The following LARGE1 variants were observed in gnomAD, a reference collection of about 807,000 sequenced individuals.
LARGE1 encodes the protein xylosyl- and glucuronyltransferase LARGE1.
LARGE1 carries 43 observed loss-of-function variants against 87.6 expected under a neutral mutation model. The observed-to-expected ratio is 0.49, with a 90% CI of 0.38 to 0.63. The LOEUF is 0.63. Ranked by LOEUF, LARGE1 falls within the 30% of genes least tolerant of loss-of-function variation. The pLI, the probability that LARGE1 is intolerant of heterozygous loss-of-function variation, is 0.00. For synonymous variants in LARGE1, 434 were observed against 394.6 expected (o/e 1.10, Z -1.18); for missense variants, 802 against 1,000.2 (o/e 0.80, Z 2.67).
chr22:33,148,573 T>C, the LARGE1 span, among the ~76,000 whole-genome samples: 1 of 152,204 alleles, frequency 6.6e-6, no homozygotes, highest in East Asian at 1.9e-4. Context: ...AAATTTTTCT[T>C]TTGCTAGGAT....
rs66531142 is a variant in LARGE1 at position 33,394,081 on chromosome 22, C to CAAA, written c.893-9780_893-9778dup. The stretch of plus-strand genomic sequence containing the variant: ...CATTATTTTTTGCCAGTGCAACTGC[C>CAAA]AAAAAAAAAAAAAAAAAGAGAAGCT... On this transcript the variant is annotated intron_variant, in intron 7 of 14. Transcript: ENST00000397394. Among the ~76,000 whole-genome samples the CAAA allele has an allele frequency of 2.5e-3, 272 of 109,962 alleles. 2 individuals carry two copies. Among genetic ancestry groups the CAAA allele is most frequent in the African/African-American group, 7.2e-3 (264 of 36,790 alleles). 72.1% of individuals were successfully genotyped at this position (109,962 alleles called of 152,430 possible).
intron 1 of LARGE1, among the ~76,000 whole-genome samples, chr22:33,821,658 C>G (rs1364725168): frequency 6.6e-6 from 1 of 152,138 alleles, no homozygotes; most frequent in African/African-American, 2.4e-5. Flanking sequence ...ATGACTTGTA[C>G]CCTCCTTAGC....
chr22:33,716,121 G>A (rs1402518338), intron 2 of LARGE1, among the ~76,000 whole-genome samples: 1 of 152,160 alleles, frequency 6.6e-6, no homozygotes. Flanking sequence ...GGGAAACAGT[G>A]ATAAGCCTTC....
At chr22:33,785,467 C>T (rs893147409) in intron 1 of LARGE1, among the ~76,000 whole-genome samples, 3 of 152,058 alleles carry the variant, frequency 2.0e-5, no homozygotes, top group Non-Finnish European at 2.9e-5. Flanking sequence ...ATACCCTAAC[C>T]GATTACTACC....
the LARGE1 span, among the ~76,000 whole-genome samples, chr22:33,149,277 C>T: frequency 2.6e-5 from 4 of 151,936 alleles, no homozygotes; most frequent in Non-Finnish European, 4.4e-5. Flanking sequence ...CTCCTGACCT[C>T]GTGATCCGCC....
chr22:33,768,170 G>A (rs1363518088), intron 1 of LARGE1, among the ~76,000 whole-genome samples: 7 of 152,260 alleles, frequency 4.6e-5, no homozygotes, highest in East Asian at 1.9e-4. Flanking sequence ...TTAGCCAGGC[G>A]TGGTGGCAGG....
chr22:33,596,042 T>A (rs750820933), intron 5 of LARGE1, among the ~76,000 whole-genome samples: 5 of 152,206 alleles, frequency 3.3e-5, no homozygotes, highest in African/African-American at 4.8e-5. Flanking sequence ...AAGCAGAAGA[T>A]TAATGACCAT....
At chr22:33,921,312 CCTT>C (rs571647766), upstream of LARGE1, among the ~76,000 whole-genome samples, 151 of 152,332 alleles carry the variant, frequency 9.9e-4, no homozygotes, top group African/African-American at 3.3e-3. This position sits in a 1 kb window ranked among gnomAD's most constrained non-coding sequence, Gnocchi z 4.1. Context: ...AGCTCCCCGC[CCTT>C]CTTCCCCCAA....
intron 11 of LARGE1, among the ~76,000 whole-genome samples, chr22:33,214,244 T>C (rs1221486288): frequency 1.3e-5 from 2 of 152,196 alleles, no homozygotes; most frequent in African/African-American, 4.8e-5. Flanking sequence ...TCTTCTTCAC[T>C]TGTAGATGGC....
chr22:33,703,354 TG>T (rs1395205278), intron 2 of LARGE1, among the ~76,000 whole-genome samples: 2 of 102,516 alleles, frequency 2.0e-5, no homozygotes, highest in Non-Finnish European at 3.9e-5. Context: ...GAGCCTAAAG[TG>T]AAAAAAAAAA....
At chr22:33,488,521 TGG>T (rs1328104954) in intron 6 of LARGE1, among the ~76,000 whole-genome samples, 5 of 152,208 alleles carry the variant, frequency 3.3e-5, no homozygotes, top group African/African-American at 1.2e-4. Context: ...AAGTACTTTC[TGG>T]GGTATTTGGA....
At position 33,507,391 on chromosome 22, in the gene LARGE1, A is replaced by T. The variant is rs530308027; in HGVS notation, c.787+57457T>A. 9.4e-4 allele frequency among the ~76,000 whole-genome samples: 143 copies of T among 152,296 alleles called. 1 individual carries two copies. Among genetic ancestry groups the T allele is most frequent in the Non-Finnish European group, 1.7e-3 (119 of 68,032 alleles). On this transcript the variant is annotated intron_variant, in intron 6 of 14. Coordinates refer to ENST00000397394, the MANE Select transcript of LARGE1 (RefSeq NM_133642.5). ...GAAGGAAATTCTCATACATGCTACA[A>T]AATGGATCAAACTTGAAGATATCAT...
intron 9 of LARGE1, among the ~76,000 whole-genome samples, chr22:33,342,867 C>T (rs927971788): frequency 2.6e-5 from 4 of 152,192 alleles, no homozygotes; most frequent in East Asian, 1.9e-4. Flanking sequence ...TCCCTCTGAT[C>T]GGCAAGCCCA....
intron 1 of LARGE1, among the ~76,000 whole-genome samples, chr22:33,828,891 T>C (rs765456548): frequency 6.6e-6 from 1 of 152,186 alleles, no homozygotes; most frequent in Non-Finnish European, 1.5e-5. Context: ...GTGTACTTGC[T>C]ATTCCCTCTC....
chr22:33,665,084 C>T (rs2081230665), intron 2 of LARGE1, among the ~76,000 whole-genome samples: 1 of 152,134 alleles, frequency 6.6e-6, no homozygotes, highest in Non-Finnish European at 1.5e-5. Flanking sequence ...CTTGCTGTTG[C>T]CTCTTCCCTC....
chr22:33,268,467 T>C (rs1568997220), downstream of LARGE1, among the ~76,000 whole-genome samples: 2 of 151,128 alleles, frequency 1.3e-5, no homozygotes, highest in African/African-American at 2.4e-5. Context: ...CTCACTCTGT[T>C]GCCTAGGCTG....
At chr22:33,585,041 T>A (rs527551892) in intron 5 of LARGE1, among the ~76,000 whole-genome samples, 3 of 152,230 alleles carry the variant, frequency 2.0e-5, no homozygotes, top group African/African-American at 7.2e-5. Flanking sequence ...AGCTTGAATC[T>A]GGGAGGTGGA....
chr22:33,104,889 C>CTCTTTCTTTCTT, the LARGE1 span, among the ~76,000 whole-genome samples: 881 of 89,108 alleles, frequency 9.9e-3, 4 homozygotes, highest in South Asian at 0.015. Context: ...GACTTTCTCT[C>CTCTTTCTTTCTT]TCTTTCTTTC....
intron 1 of LARGE1, among the ~76,000 whole-genome samples, chr22:33,875,120 G>C (rs2146709351): frequency 6.6e-6 from 1 of 152,294 alleles, no homozygotes; most frequent in South Asian, 2.1e-4. Flanking sequence ...AATATTACTG[G>C]CTTCATTTTT....
Sources: gnomAD v4.1 joint callset for allele counts (sites outside exome capture counted in the v4.1 genomes callset) on GRCh38, gnomAD v4.1.1 for gene constraint, Gnocchi (gnomAD v3.1) non-coding constraint, MANE v1.5 for transcripts, NCBI Gene and HGNC (gene_info 2026-07-23, HGNC 2026-07-21) for gene names.